The following SLC24A2 variants were observed in gnomAD, a reference collection of about 807,000 sequenced individuals.
The protein encoded by SLC24A2 is solute carrier family 24 member 2.
Under a neutral mutation model 62.0 loss-of-function variants are expected in SLC24A2, and 36 were observed. The observed-to-expected ratio is 0.58, with a 90% CI of 0.44 to 0.77. The LOEUF (loss-of-function observed/expected upper bound fraction) is 0.77. Among genes scored for constraint, SLC24A2 ranks in the 30% least tolerant of loss-of-function variants. The probability of loss-of-function intolerance (pLI) is 0.00; values close to 1 mark genes in which losing one functional copy is unlikely to be tolerated. For synonymous variants in SLC24A2, 358 were observed against 294.0 expected (o/e 1.22, Z -2.23); for missense variants, 846 against 817.9 (o/e 1.03, Z -0.42).
chr9:20,066,166 A>G, the SLC24A2 span, among the ~76,000 whole-genome samples: 1 of 152,198 alleles, frequency 6.6e-6, no homozygotes, highest in Non-Finnish European at 1.5e-5. Flanking sequence ...CCTTTAGACA[A>G]TTTGCTTTAT....
the SLC24A2 span, among the ~76,000 whole-genome samples, chr9:19,947,723 A>G: frequency 1.4e-5 from 2 of 147,672 alleles, no homozygotes; most frequent in African/African-American, 5.0e-5. Context: ...CCTGGGAGGC[A>G]GAGCTTGCAG....
chr9:20,112,595 G>A, the SLC24A2 span, among the ~76,000 whole-genome samples: 1 of 152,088 alleles, frequency 6.6e-6, no homozygotes, highest in African/African-American at 2.4e-5. Context: ...ATTCCATTCT[G>A]AGTGATCTCA....
chr9:19,856,412 T>C, the SLC24A2 span, among the ~76,000 whole-genome samples: 1 of 152,188 alleles, frequency 6.6e-6, no homozygotes. Flanking sequence ...TTTTTTCTCA[T>C]CTTCATGAGC....
At chr9:19,593,811 T>G (rs1468798304) in intron 5 of SLC24A2, among the ~76,000 whole-genome samples, 1 of 152,184 alleles carries the variant, frequency 6.6e-6, no homozygotes, top group Non-Finnish European at 1.5e-5. Flanking sequence ...TTATCACCTC[T>G]GAGTCCCAGA....
At chr9:19,736,845 C>T (rs1821525260) in intron 2 of SLC24A2, among the ~76,000 whole-genome samples, 1 of 152,094 alleles carries the variant, frequency 6.6e-6, no homozygotes, top group Admixed American at 6.6e-5. Flanking sequence ...GAGTAAGACC[C>T]TGTCTTAAAA....
chr9:19,637,046 A>G (rs1818377363), intron 2 of SLC24A2, among the ~76,000 whole-genome samples: 1 of 149,544 alleles, frequency 6.7e-6, no homozygotes, highest in Non-Finnish European at 1.5e-5. Flanking sequence ...GAAAGCCTAA[A>G]TAATATCCAA....
intron 7 of SLC24A2, among the ~76,000 whole-genome samples, chr9:19,570,021 T>C (rs1835791710): frequency 6.6e-6 from 1 of 152,268 alleles, no homozygotes; most frequent in Admixed American, 6.5e-5. Context: ...GTTTTGTTCA[T>C]GGCCTTTGGG....
At chr9:20,187,953 G>A in the SLC24A2 span, among the ~76,000 whole-genome samples, 2 of 152,182 alleles carry the variant, frequency 1.3e-5, no homozygotes, top group Non-Finnish European at 2.9e-5. Flanking sequence ...TTAACAGTTA[G>A]ACTGTGCAGA....
chr9:19,534,609 T>C (rs926050177), intron 8 of SLC24A2, among the ~76,000 whole-genome samples: 7 of 151,854 alleles, frequency 4.6e-5, no homozygotes, highest in Non-Finnish European at 7.4e-5. Context: ...AAATGCGGTG[T>C]TTAGTTTTCT....
At chr9:19,911,139 T>G in the SLC24A2 span, among the ~76,000 whole-genome samples, 1 of 143,732 alleles carries the variant, frequency 7.0e-6, no homozygotes, top group East Asian at 2.2e-4. Flanking sequence ...CATTGTTCAA[T>G]TCCCACCTAT....
chr9:19,795,207 G>T, the SLC24A2 span, among the ~76,000 whole-genome samples: 1 of 152,126 alleles, frequency 6.6e-6, no homozygotes, highest in Non-Finnish European at 1.5e-5. Context: ...TACATATGTG[G>T]TGGGCGTAGT....
chr9:19,674,545 C>T (rs904117534), intron 2 of SLC24A2, among the ~76,000 whole-genome samples: 1 of 152,100 alleles, frequency 6.6e-6, no homozygotes, highest in Non-Finnish European at 1.5e-5. Flanking sequence ...TTCTTGGAGG[C>T]TTTGTTCATT....
the SLC24A2 span, among the ~76,000 whole-genome samples, chr9:20,096,081 A>ATCCG: frequency 4.6e-4 from 64 of 139,706 alleles, no homozygotes; most frequent in African/African-American, 8.9e-4. Context: ...CCATCCATCC[A>ATCCG]TCCATCCGTC....
At chr9:19,691,671 T>A (rs1265157478) in intron 2 of SLC24A2, among the ~76,000 whole-genome samples, 1 of 152,216 alleles carries the variant, frequency 6.6e-6, no homozygotes, top group Non-Finnish European at 1.5e-5. Context: ...ACCAGTTATA[T>A]ACTTTCCTAG....
At position 19,599,670 on chromosome 9, in the gene SLC24A2, G is replaced by C. The variant is rs1051284509; in HGVS notation, c.1079-2391C>G. On this transcript the variant is annotated intron_variant, in intron 4 of 10. Coordinates refer to ENST00000341998, the MANE Select transcript of SLC24A2 (RefSeq NM_020344.4). This position sits in a 1 kb window ranked among gnomAD's most constrained non-coding sequence, Gnocchi z 4.5. ...CCACAAGGCCCTCCTCCCTGAAGCA[G>C]GGACTCAGGAGGTGCAGAAAGAGAA... Among the ~76,000 whole-genome samples, 8 of 152,156 alleles carry C rather than the reference G, an allele frequency of 5.3e-5. No homozygotes were observed. The highest frequency in any genetic ancestry group is 1.9e-4 in the African/African-American group (8 of 41,428).
At chr9:19,640,472 T>C (rs1442073755) in intron 2 of SLC24A2, among the ~76,000 whole-genome samples, 2 of 152,224 alleles carry the variant, frequency 1.3e-5, no homozygotes, top group Non-Finnish European at 2.9e-5. Flanking sequence ...CTACACAAGT[T>C]GACTGGAAAG....
chr9:19,862,842 G>A, the SLC24A2 span, among the ~76,000 whole-genome samples: 1 of 151,442 alleles, frequency 6.6e-6, no homozygotes, highest in Non-Finnish European at 1.5e-5. Context: ...CATGCAATGG[G>A]TACCCAAAAA....
the SLC24A2 span, among the ~76,000 whole-genome samples, chr9:19,963,854 C>G: frequency 3.9e-5 from 6 of 152,216 alleles, no homozygotes; most frequent in East Asian, 7.7e-4. Context: ...TTTGACCCAG[C>G]CATCCCATTA....
chr9:19,568,466 T>C (rs1242145075), intron 7 of SLC24A2, among the ~76,000 whole-genome samples: 6 of 152,248 alleles, frequency 3.9e-5, no homozygotes, highest in Non-Finnish European at 8.8e-5. Flanking sequence ...ATTAAAAATG[T>C]TACTCAGTAC....
Sources: gnomAD v4.1 joint callset for allele counts (sites outside exome capture counted in the v4.1 genomes callset) on GRCh38, gnomAD v4.1.1 for gene constraint, Gnocchi (gnomAD v3.1) non-coding constraint, MANE v1.5 for transcripts, NCBI Gene and HGNC (gene_info 2026-07-23, HGNC 2026-07-21) for gene names.